SMPX: variants seen among roughly 807,000 people sequenced by gnomAD.
SMPX encodes small muscular protein.
Under a neutral mutation model 6.3 loss-of-function variants are expected in SMPX, and 2 were observed. The ratio of observed to expected loss-of-function variants is 0.32; its 90% confidence interval spans 0.13 to 0.99. The LOEUF is 0.99. Ranked by LOEUF, SMPX falls within the 50% of genes least tolerant of loss-of-function variation. SMPX has a pLI of 0.49. For synonymous variants in SMPX, 32 were observed against 24.7 expected, an observed-to-expected ratio of 1.30 and a Z score of -0.88; for missense variants, 60 against 66.8, an observed-to-expected ratio of 0.90 and a Z score of 0.36.
At chrX:21,710,634 G>A (rs1234726767) in intron 4 of SMPX, among the ~76,000 whole-genome samples, 1 of 111,520 alleles carries the variant, frequency 9.0e-6, no homozygotes, top group Admixed American at 9.5e-5. Context: ...CCATATTTAG[G>A]AAAATAAATG....
Position 21,706,297 on chromosome X carries a change from C to G in SMPX, c.*112G>C. 2.0e-6 allele frequency: 1 copy of G among 494,798 alleles called. No homozygotes were observed. Among genetic ancestry groups the G allele is most frequent in the Non-Finnish European group, 3.6e-6 (1 of 275,360 alleles). 40.8% of individuals were successfully genotyped at this position (494,798 alleles called of 1,213,427 possible). On this transcript the variant is annotated 3_prime_UTR_variant, in exon 5 of 5. Transcript: ENST00000379494. ...ACAAACAGGCCATTTCTGCTAGAGT[C>G]TCAGGCATTCAGGAGGTTCACAATC...
At chrX:21,733,922 C>T (rs1261315571) in intron 4 of SMPX, among the ~76,000 whole-genome samples, 8 of 111,377 alleles carry the variant, frequency 7.2e-5, no homozygotes, top group Non-Finnish European at 5.7e-5. Context: ...ATCTCTGAGC[C>T]TCTGTTTAAA....
chrX:21,745,640 C>T (rs769716934), intron 2 of SMPX, among the ~76,000 whole-genome samples: 1 of 111,682 alleles, frequency 9.0e-6, no homozygotes, highest in South Asian at 3.8e-4. Flanking sequence ...ATTTCCATCA[C>T]TACAGTTTGG....
chrX:21,706,132 A>T lies in SMPX; in HGVS notation c.*277T>A. On this transcript the variant is annotated 3_prime_UTR_variant, in exon 5 of 5. Coordinates refer to ENST00000379494, the MANE Select transcript of SMPX (RefSeq NM_014332.3). ...TCAAAATCGTTAGGCACATTGCCATATCATTCTCCATAAAATCATATCCCT... is the reference window on the plus strand; with the variant it reads ...TCAAAATCGTTAGGCACATTGCCATTTCATTCTCCATAAAATCATATCCCT... The T allele has an allele frequency of 1.9e-6, 1 of 513,061 alleles. No homozygotes were observed. Among genetic ancestry groups the T allele is most frequent in the Non-Finnish European group, 3.5e-6 (1 of 286,572 alleles). The allele number at this position is 513,061 out of a possible 1,213,427, so 42.3% of individuals were successfully genotyped here. A position where few individuals can be genotyped will look rare whatever the true frequency, so the allele number is the denominator to read the frequency against.
intron 4 of SMPX, among the ~76,000 whole-genome samples, chrX:21,717,136 T>C (rs1480104255): frequency 9.0e-6 from 1 of 111,638 alleles, no homozygotes; most frequent in Non-Finnish European, 1.9e-5. Context: ...CCAAATCTCA[T>C]CTTGAATTGT....
chrX:21,740,325 G>T (rs2092814705), intron 3 of SMPX, among the ~76,000 whole-genome samples: 1 of 112,074 alleles, frequency 8.9e-6, no homozygotes, highest in African/African-American at 3.2e-5. Flanking sequence ...ATATTTGAAT[G>T]AAGAAGGGAC....
At chrX:21,751,237 C>T (rs1470702761) in intron 2 of SMPX, among the ~76,000 whole-genome samples, 1 of 112,040 alleles carries the variant, frequency 8.9e-6, no homozygotes, top group Non-Finnish European at 1.9e-5. Context: ...TAACTTGATG[C>T]CATTAGCAAG....
chrX:21,718,855 A>C (rs768582625), intron 4 of SMPX, among the ~76,000 whole-genome samples: 1 of 112,347 alleles, frequency 8.9e-6, no homozygotes, highest in South Asian at 3.8e-4. Flanking sequence ...CAGACATGAC[A>C]AGCCTTGTCG....
chrX:21,706,405 A>T lies in SMPX; in HGVS notation c.*15-11T>A, dbSNP rs1295966818. On this transcript the variant is annotated splice_polypyrimidine_tract_variant and intron_variant, in intron 4 of 4. Transcript: ENST00000379494. ...TTCTTCACATCAATCCTGAAAAAGA[A>T]AAACCAAAGGAACCATGAGTTTTTT... The T allele has an allele frequency of 2.7e-6, 1 of 366,423 alleles. No individual in the cohort carries two copies. The highest frequency in any genetic ancestry group is 5.6e-5 in the East Asian group (1 of 17,856). 30.2% of individuals were successfully genotyped at this position (366,423 alleles called of 1,213,427 possible).
intron 4 of SMPX, among the ~76,000 whole-genome samples, chrX:21,721,672 A>G (rs142482049): frequency 2.5e-3 from 285 of 112,124 alleles, no homozygotes; most frequent in African/African-American, 8.5e-3. Context: ...CAGCAAGTCC[A>G]GGTGATTCTA....
chrX:21,756,473 G>C (rs2092833109), intron 1 of SMPX, among the ~76,000 whole-genome samples: 1 of 112,137 alleles, frequency 8.9e-6, no homozygotes, highest in African/African-American at 3.2e-5. Context: ...CTTTGAAAGA[G>C]AGATCTATAG....
At chrX:21,741,274 T>C (rs2092815750) in intron 3 of SMPX, among the ~76,000 whole-genome samples, 1 of 112,264 alleles carries the variant, frequency 8.9e-6, no homozygotes, top group African/African-American at 3.2e-5. Context: ...AGGTTATCTG[T>C]TTTGTTCAAA....
chrX:21,732,452 C>T (rs974913792), intron 4 of SMPX, among the ~76,000 whole-genome samples: 5 of 111,551 alleles, frequency 4.5e-5, no homozygotes, highest in African/African-American at 1.6e-4. Flanking sequence ...TTGAGAGAAG[C>T]TAGTCTTTCT....
intron 2 of SMPX, among the ~76,000 whole-genome samples, chrX:21,752,499 T>G (rs983430699): frequency 9.0e-6 from 1 of 111,102 alleles, no homozygotes; most frequent in African/African-American, 3.3e-5. Context: ...TATGCTGTTT[T>G]TTTGTTTGTT....
intron 4 of SMPX, among the ~76,000 whole-genome samples, chrX:21,716,869 GC>G (rs2092785730): frequency 9.0e-6 from 1 of 111,651 alleles, no homozygotes; most frequent in South Asian, 3.8e-4. Context: ...GGAATCTTGG[GC>G]CAATGAGAAG....
intron 4 of SMPX, among the ~76,000 whole-genome samples, chrX:21,710,655 TTAACA>T (rs771999427): frequency 8.9e-6 from 1 of 111,752 alleles, no homozygotes; most frequent in Non-Finnish European, 1.9e-5. Context: ...CATGGAATTC[TTAACA>T]TAACATTAGC....
intron 4 of SMPX, 87 bp downstream of exon 4, chrX:21,737,462 T>C: frequency 1.2e-6 from 1 of 842,098 alleles, no homozygotes; most frequent in Non-Finnish European, 1.8e-6. Context: ...TGAACTCTTG[T>C]AGAATTCCAG....
intron 3 of SMPX, among the ~76,000 whole-genome samples, chrX:21,742,940 A>G (rs1290846226): frequency 3.6e-5 from 4 of 112,500 alleles, no homozygotes; most frequent in Admixed American, 9.4e-5. Flanking sequence ...TTGTGCTAAT[A>G]AAATGTTCCA....
chrX:21,721,190 A>T (rs751154373), intron 4 of SMPX, among the ~76,000 whole-genome samples: 6 of 111,555 alleles, frequency 5.4e-5, no homozygotes, highest in African/African-American at 2.0e-4. Flanking sequence ...TAAGAATATG[A>T]CTCTATATAT....
Sources: gnomAD v4.1 joint callset for allele counts (sites outside exome capture counted in the v4.1 genomes callset) on GRCh38, gnomAD v4.1.1 for gene constraint, MANE v1.5 for transcripts, NCBI Gene and HGNC (gene_info 2026-07-23, HGNC 2026-07-21) for gene names.